The following USP10 variants were observed in gnomAD, a reference collection of about 807,000 sequenced individuals.
USP10 encodes ubiquitin carboxyl-terminal hydrolase 10.
Under a neutral mutation model 84.5 loss-of-function variants are expected in USP10, and 22 were observed. The ratio of observed to expected loss-of-function variants is 0.26; its 90% CI spans 0.19 to 0.37. The LOEUF (loss-of-function observed/expected upper bound fraction) is 0.37, where lower values mean the gene tolerates loss of function less well. USP10 is among the 10% of genes least tolerant of loss of function. The probability of loss-of-function intolerance (pLI) is 1.00; values close to 1 mark genes in which losing one functional copy is unlikely to be tolerated. For missense variants in USP10, 1,019 were observed against 998.9 expected, an observed-to-expected ratio of 1.02 and a Z score of -0.27; for synonymous variants, 454 against 387.6, an observed-to-expected ratio of 1.17 and a Z score of -2.01.
intron 2 of USP10, among the ~76,000 whole-genome samples, chr16:84,739,284 G>T (rs1383075051): frequency 7.4e-6 from 1 of 134,454 alleles, no homozygotes; most frequent in Non-Finnish European, 1.6e-5. Flanking sequence ...TTTTGTTTTG[G>T]TTTTTGAGAC....
chr16:84,747,634 G>A (rs1275494492), intron 4 of USP10, among the ~76,000 whole-genome samples: 1 of 136,010 alleles, frequency 7.4e-6, no homozygotes, highest in Non-Finnish European at 1.5e-5. Flanking sequence ...CACGATCTTG[G>A]CTCACTACAA....
intron 1 of USP10, among the ~76,000 whole-genome samples, chr16:84,717,351 A>G (rs1190555569): frequency 1.3e-5 from 2 of 152,242 alleles, no homozygotes; most frequent in Non-Finnish European, 2.9e-5. Context: ...TGCAGATTAA[A>G]TGAAATATGT....
intron 1 of USP10, among the ~76,000 whole-genome samples, chr16:84,701,628 G>A (rs1904870416): frequency 6.6e-6 from 1 of 152,158 alleles, no homozygotes; most frequent in South Asian, 2.1e-4. Context: ...TTTAGGCATA[G>A]CTCACTTCCT....
chr16:84,775,364 T>C, intron 13 of USP10, 139 bp downstream of exon 13: 1 of 751,656 alleles, frequency 1.3e-6, no homozygotes, highest in Non-Finnish European at 2.3e-6. Flanking sequence ...AGTCGGGGAG[T>C]CACGTGAGAG....
rs556815814 is a variant in USP10, at chr16:84,745,220, G to A, written c.739G>A (p.Gly247Arg). 2.2e-5 allele frequency: 35 copies of A among 1,613,084 alleles called. No individual in the cohort carries two copies. The Admixed American group carries it at 4.8e-4, about 22-fold the overall frequency. Residue 247 changes from glycine to arginine, a missense_variant, in exon 4 of 14, where the codon GGG (glycine) becomes AGG (arginine). Transcript: ENST00000219473. Reference sequence around the variant, plus strand: ...TGCAGGGCAGCCAGAGGGGGGCCCCGGGGCTGATTTTGGTCAGTCCTGCTT... The same window carrying A: ...TGCAGGGCAGCCAGAGGGGGGCCCCAGGGCTGATTTTGGTCAGTCCTGCTT... ...RTAGQPEGGP[G>R]ADFGQSCFPA...
chr16:84,708,336 G>A (rs566735254), intron 1 of USP10, among the ~76,000 whole-genome samples: 1 of 152,266 alleles, frequency 6.6e-6, no homozygotes, highest in East Asian at 1.9e-4. Context: ...TTTAATCCCA[G>A]CTGCTCCGAA....
intron 12 of USP10, among the ~76,000 whole-genome samples, chr16:84,773,982 G>A (rs907328822): frequency 6.6e-6 from 1 of 152,156 alleles, no homozygotes; most frequent in Non-Finnish European, 1.5e-5. Flanking sequence ...GGGCGCAGTG[G>A]CTCACACCTG....
In USP10 at chr16:84,760,290, T is replaced by C. The variant is rs1424327052; in HGVS notation, c.1554+15T>C. 1 of 1,581,868 alleles carries C rather than the reference T, an allele frequency of 6.3e-7. No homozygotes were observed. Among genetic ancestry groups the C allele is most frequent in the Non-Finnish European group, 8.6e-7 (1 of 1,160,744 alleles). On this transcript the variant is annotated intron_variant, in intron 8 of 13. Transcript: ENST00000219473. ...TGTCTGAAAAGGTTTGAGACTTCTC[T>C]GTTGTCACTAGTATCAAGTGTTGCC...
Position 84,766,332 on chromosome 16 carries a change from G to GCA in USP10, c.1833-1861_1833-1860insCA, listed in dbSNP as rs374076706. Among the ~76,000 whole-genome samples, 151 of 152,354 alleles carry GCA rather than the reference G, an allele frequency of 9.9e-4. 1 individual carries two copies. The highest frequency in any genetic ancestry group is 3.4e-3 in the African/African-American group (143 of 41,582). Reference sequence around the variant, plus strand: ...GCCCCTTTCTATTCTGGTGCTCTGTGGAGTGTCCACGGCAGCTGGGTGGTC... The same window carrying GCA: ...GCCCCTTTCTATTCTGGTGCTCTGTGCAGAGTGTCCACGGCAGCTGGGTGGTC... On this transcript the variant is annotated intron_variant, in intron 10 of 13. Transcript: ENST00000219473.
intron 3 of USP10, among the ~76,000 whole-genome samples, chr16:84,743,292 A>C (rs979571442): frequency 1.3e-5 from 2 of 152,186 alleles, no homozygotes; most frequent in Non-Finnish European, 2.9e-5. Context: ...TTGTTGGGGC[A>C]GGATTGTGCT....
chr16:84,715,374 T>A (rs1376367821), intron 1 of USP10, among the ~76,000 whole-genome samples: 1 of 152,216 alleles, frequency 6.6e-6, no homozygotes, highest in African/African-American at 2.4e-5. Flanking sequence ...ACTGGGCACG[T>A]TACAAGATGT....
At chr16:84,774,409 G>C (rs754960447) in intron 12 of USP10, among the ~76,000 whole-genome samples, 4 of 152,164 alleles carry the variant, frequency 2.6e-5, no homozygotes, top group Non-Finnish European at 5.9e-5. Context: ...CCTCGTAGCA[G>C]CTGGTAGACT....
chr16:84,763,536 C>T (rs548809757), intron 9 of USP10, among the ~76,000 whole-genome samples: 30 of 152,366 alleles, frequency 2.0e-4, no homozygotes, highest in Non-Finnish European at 2.6e-4. Flanking sequence ...GCATCTCCTG[C>T]GTAACCACAG....
At chr16:84,735,524 T>C (rs1359700273) in intron 2 of USP10, among the ~76,000 whole-genome samples, 3 of 152,224 alleles carry the variant, frequency 2.0e-5, no homozygotes, top group Non-Finnish European at 4.4e-5. Context: ...TCTTTTCTCT[T>C]TCTTTTGTTT....
At chr16:84,762,930 C>T (rs1020063012) in intron 8 of USP10, 59 bp from the exon 9 acceptor site, 4 of 1,064,004 alleles carry the variant, frequency 3.8e-6, no homozygotes, top group Non-Finnish European at 5.6e-6. Flanking sequence ...TACTGCATGT[C>T]CTGCAGGCCT....
intron 1 of USP10, among the ~76,000 whole-genome samples, chr16:84,727,688 G>A (rs1386806550): frequency 2.0e-5 from 3 of 152,158 alleles, no homozygotes; most frequent in South Asian, 2.1e-4. Flanking sequence ...ACAGACATGG[G>A]CTAACAAATG....
intron 3 of USP10, among the ~76,000 whole-genome samples, chr16:84,741,825 A>G (rs1479368970): frequency 1.3e-5 from 2 of 152,166 alleles, no homozygotes; most frequent in African/African-American, 4.8e-5. Context: ...GCCTGTGGGC[A>G]CTGTCATGGA....
At chr16:84,746,755 G>T (rs1182474316) in intron 4 of USP10, among the ~76,000 whole-genome samples, 3 of 152,068 alleles carry the variant, frequency 2.0e-5, no homozygotes, top group Non-Finnish European at 4.4e-5. Flanking sequence ...GTACTACGTT[G>T]ATTTACAAAT....
chr16:84,751,969 A>G (rs1483948240), intron 4 of USP10, among the ~76,000 whole-genome samples: 4 of 152,168 alleles, frequency 2.6e-5, no homozygotes, highest in Admixed American at 1.3e-4. Context: ...TTGATAAACA[A>G]TTTCAGTGGG....
Sources: gnomAD v4.1 joint callset for allele counts (sites outside exome capture counted in the v4.1 genomes callset) on GRCh38, gnomAD v4.1.1 for gene constraint, MANE v1.5 for transcripts, NCBI Gene and HGNC (gene_info 2026-07-23, HGNC 2026-07-21) for gene names.